Variants in NID2 observed in about 807,000 individuals in gnomAD.
NID2 encodes nidogen 2.
In NID2, 83 loss-of-function variants were observed where a neutral mutation model predicts 145.4. The ratio of observed to expected loss-of-function variants is 0.57; its 90% confidence interval spans 0.48 to 0.69. The LOEUF (loss-of-function observed/expected upper bound fraction) is 0.69. Among genes scored for constraint, NID2 ranks in the 30% least tolerant of loss-of-function variants. The pLI, the probability that NID2 is intolerant of heterozygous loss-of-function variation, is 0.00. For synonymous variants in NID2, 739 were observed against 701.3 expected, an observed-to-expected ratio of 1.05 and a Z score of -0.85; for missense variants, 1,807 against 1,765.7, an observed-to-expected ratio of 1.02 and a Z score of -0.42.
rs1893297015 is a variant in NID2 at position 52,068,243 on chromosome 14, C to T, written c.229-80G>A. ...CCTTTCGCGCAGGGAGGGAAGGGAA[C>T]TGACTTAGGCAAAAAGCCTCTCTCT... On this transcript the variant is annotated intron_variant, in intron 1 of 21. Transcript: ENST00000216286. 4 of 1,360,952 alleles carry T rather than the reference C, an allele frequency of 2.9e-6. No homozygotes were observed. In the South Asian group the frequency reaches 3.7e-5, roughly 13 times the overall value. 84.3% of individuals were successfully genotyped at this position (1,360,952 alleles called of 1,614,324 possible).
At chr14:52,029,512 G>A in intron 10 of NID2, 35 bp downstream of exon 10, 1 of 1,587,270 alleles carries the variant, frequency 6.3e-7, no homozygotes, top group Non-Finnish European at 8.6e-7. Flanking sequence ...AAAAACAAGG[G>A]CTACAAGAAG....
chr14:52,026,005 T>G (rs1206055699), intron 12 of NID2, among the ~76,000 whole-genome samples: 1 of 152,208 alleles, frequency 6.6e-6, no homozygotes, highest in East Asian at 1.9e-4. Context: ...GCAGCAGAGC[T>G]TCTGTACAGC....
intron 16 of NID2, among the ~76,000 whole-genome samples, chr14:52,012,581 CAG>C (rs984140806): frequency 6.6e-6 from 1 of 151,920 alleles, no homozygotes; most frequent in Non-Finnish European, 1.5e-5. Flanking sequence ...CTGGGCAACA[CAG>C]AGCTACACCC....
chr14:52,063,154 T>C (rs1227095631), intron 2 of NID2, among the ~76,000 whole-genome samples: 2 of 152,148 alleles, frequency 1.3e-5, no homozygotes, highest in African/African-American at 4.8e-5. Flanking sequence ...CTCAAAAAAC[T>C]CCTTGACTGG....
chr14:52,049,632 C>A (rs1892622145), intron 5 of NID2, among the ~76,000 whole-genome samples: 1 of 151,974 alleles, frequency 6.6e-6, no homozygotes, highest in Non-Finnish European at 1.5e-5. Context: ...TTTCCCATCT[C>A]TCAGAATGAC....
At chr14:52,013,874 A>G (rs976732116) in intron 16 of NID2, among the ~76,000 whole-genome samples, 1 of 152,324 alleles carries the variant, frequency 6.6e-6, no homozygotes, top group East Asian at 1.9e-4. Flanking sequence ...GGAGTCCCCA[A>G]CAAACCGCAG....
In NID2 at chr14:52,060,109, C is replaced by G; in HGVS notation, c.767+15G>C. The G allele has an allele frequency of 2.5e-6, 4 of 1,568,796 alleles. No homozygotes were observed. Among genetic ancestry groups the G allele is most frequent in the Non-Finnish European group, 3.5e-6 (4 of 1,143,114 alleles). ...ATATTCAAATAGGAAAGGGCTTCAG[C>G]TCAATGTTACTTACTGATAGAGATT... On this transcript the variant is annotated intron_variant, in intron 3 of 21. Coordinates refer to ENST00000216286, the MANE Select transcript of NID2 (RefSeq NM_007361.4).
chr14:52,021,151 T>TTGGC (rs1436588621), intron 12 of NID2, among the ~76,000 whole-genome samples: 3 of 151,466 alleles, frequency 2.0e-5, no homozygotes, highest in African/African-American at 4.9e-5. Context: ...CGATTAAGGC[T>TTGGC]TGGCTGAAAA....
At chr14:52,015,754 C>T (rs1447593872) in intron 14 of NID2, among the ~76,000 whole-genome samples, 1 of 152,128 alleles carries the variant, frequency 6.6e-6, no homozygotes, top group Non-Finnish European at 1.5e-5. Context: ...GCTTCAAGCT[C>T]GAAGCTGCTG....
chr14:52,017,722 G>A (rs1269099331), intron 14 of NID2, among the ~76,000 whole-genome samples: 1 of 151,864 alleles, frequency 6.6e-6, no homozygotes, highest in Non-Finnish European at 1.5e-5. Context: ...ACCTTTTTTG[G>A]ACCTTTAAAA....
At chr14:52,043,767 G>A (rs969244708) in intron 5 of NID2, among the ~76,000 whole-genome samples, 2 of 151,614 alleles carry the variant, frequency 1.3e-5, no homozygotes, top group African/African-American at 4.8e-5. Context: ...GTTCATAAAG[G>A]AAATAGCCAA....
intron 19 of NID2, 115 bp from the exon 20 acceptor site, chr14:52,006,775 A>AC: frequency 8.7e-7 from 1 of 1,148,902 alleles, no homozygotes; most frequent in Non-Finnish European, 1.3e-6. Flanking sequence ...TACTTCCATT[A>AC]CAGTCATAGA....
At position 52,015,191 on chromosome 14, in the gene NID2, T is replaced by C. The variant is rs752581536; in HGVS notation, c.3113A>G (p.Gln1038Arg). The change falls in exon 15 of 22, where the codon CAG becomes CGG. Residue 1038 changes from glutamine to arginine, a missense_variant. Transcript: ENST00000216286. ...CAGGTCATCGCACTGGGGCACGTAC[T>C]GGTCATCCCGGGGGGTGCCACCGTA... ...EHYGGTPRDD[Q>R]YVPQCDDLGH... is the part of the protein sequence containing the mutation. The C allele has an allele frequency of 6.2e-7, 1 of 1,614,046 alleles. No homozygotes were observed. The highest frequency in any genetic ancestry group is 1.1e-5 in the South Asian group (1 of 91,082).
chr14:52,056,427 T>C (rs1244718165), intron 3 of NID2, among the ~76,000 whole-genome samples: 1 of 152,020 alleles, frequency 6.6e-6, no homozygotes, highest in Non-Finnish European at 1.5e-5. Context: ...CAAAGGAAAA[T>C]TGGGTTACAA....
intron 5 of NID2, among the ~76,000 whole-genome samples, chr14:52,044,266 CTTTTTTTTTTT>C (rs55972168): frequency 8.8e-6 from 1 of 113,918 alleles, no homozygotes; most frequent in African/African-American, 3.5e-5. Context: ...ATTTAACAAC[CTTTTTTTTTTT>C]TTTTTTTTTT....
chr14:52,014,937 G>T (rs1001723022), intron 15 of NID2, 117 bp downstream of exon 15: 8 of 813,462 alleles, frequency 9.8e-6, no homozygotes, highest in Admixed American at 2.3e-5. Flanking sequence ...AGCACATAGT[G>T]ACTTCTTTCA....
rs764670418 is a variant in NID2, at chr14:52,005,459, T to TC, written c.*26dup. The stretch of plus-strand genomic sequence containing the variant: ...TAGGGTCCAGGTTCTGATTGTAAAC[T>TC]CCAAGTCTTCCTTTACATTACTGTA... On this transcript the variant is annotated 3_prime_UTR_variant, in exon 22 of 22. Transcript: ENST00000216286. The TC allele has an allele frequency of 7.0e-5, 111 of 1,576,774 alleles. No homozygotes were observed. The highest frequency in any genetic ancestry group is 9.1e-5 in the Non-Finnish European group (106 of 1,165,258).
Position 52,006,594 on chromosome 14 carries a change from T to G in NID2, c.3947A>C (p.Lys1316Thr). 6.2e-7 allele frequency: 1 copy of G among 1,613,934 alleles called. No individual in the cohort carries two copies. The highest frequency in any genetic ancestry group is 1.7e-5 in the Admixed American group (1 of 60,026). The change falls in exon 20 of 22, where the codon AAG becomes ACG. Residue 1316 changes from lysine (K) to threonine (T), a missense_variant. Lys to Thr is a moderately conservative substitution (Grantham distance 78). Transcript: ENST00000216286. ...ATAGCTTACGATGCTGAAGGGGTACTTGAGGTTGTTTTGAATGACACGCCG... is the reference window on the plus strand; with the variant it reads ...ATAGCTTACGATGCTGAAGGGGTACGTGAGGTTGTTTTGAATGACACGCCG... Reference protein sequence around the residue: ...TGRRVIQNNLKYPFSIVSYAD... With the variant: ...TGRRVIQNNLTYPFSIVSYAD...
intron 3 of NID2, among the ~76,000 whole-genome samples, chr14:52,057,644 A>G (rs944696541): frequency 1.4e-5 from 2 of 143,046 alleles, no homozygotes; most frequent in African/African-American, 5.2e-5. Flanking sequence ...AGAGGTTGCA[A>G]TGAGCACAAG....
Sources: allele counts gnomAD v4.1 joint callset (sites outside exome capture counted in the v4.1 genomes callset), GRCh38; gene constraint gnomAD v4.1.1; transcripts MANE v1.5; gene names NCBI Gene and HGNC (gene_info 2026-07-23, HGNC 2026-07-21).